The following THSD7B variants were observed in gnomAD, a reference collection of about 807,000 sequenced individuals.
THSD7B encodes thrombospondin type 1 domain containing 7B, also known as thrombospondin type-1 domain-containing protein 7B.
In THSD7B, 138 loss-of-function variants were observed where a neutral mutation model predicts 213.6. The ratio of observed to expected loss-of-function variants is 0.65; its 90% CI spans 0.56 to 0.74. The LOEUF (loss-of-function observed/expected upper bound fraction) is 0.74. Ranked by LOEUF, THSD7B falls within the 30% of genes least tolerant of loss-of-function variation. The pLI, the probability that THSD7B is intolerant of heterozygous loss-of-function variation, is 0.00. For missense variants in THSD7B, 1,931 were observed against 1,991.5 expected, an observed-to-expected ratio of 0.97 and a Z score of 0.58; for synonymous variants, 742 against 687.0, an observed-to-expected ratio of 1.08 and a Z score of -1.25.
chr2:137,664,822 G>A lies in THSD7B; in HGVS notation c.4651+1247G>A, dbSNP rs960858543. Among the ~76,000 whole-genome samples, 8 of 152,070 alleles carry A rather than the reference G, an allele frequency of 5.3e-5. No homozygotes were observed. The East Asian group carries it at 1.3e-3, about 26-fold the overall frequency. The stretch of plus-strand genomic sequence containing the variant: ...TGTGGCCATCAGACATACTTCTTTC[G>A]GAAACAAAATGCTACAAATGATCAA... On this transcript the variant is annotated intron_variant, in intron 26 of 27. Coordinates refer to ENST00000409968, the MANE Select transcript of THSD7B (RefSeq NM_001316349.2).
chr2:137,014,284 A>G (rs1436525783), intron 2 of THSD7B, among the ~76,000 whole-genome samples: 2 of 152,158 alleles, frequency 1.3e-5, no homozygotes, highest in Admixed American at 1.3e-4. Context: ...CTCTGCAACT[A>G]CTCACATGGT....
chr2:137,029,423 C>A (rs1686617941), intron 2 of THSD7B, among the ~76,000 whole-genome samples: 1 of 152,064 alleles, frequency 6.6e-6, no homozygotes, highest in Non-Finnish European at 1.5e-5. Context: ...ACATAGATCC[C>A]ACCTTTACCC....
chr2:137,507,799 A>G (rs1679871253), intron 15 of THSD7B, among the ~76,000 whole-genome samples: 1 of 135,694 alleles, frequency 7.4e-6, no homozygotes, highest in Non-Finnish European at 1.6e-5. Context: ...CCTTCCTTTC[A>G]TTCTTCCTTT....
At chr2:136,953,846 G>T (rs937130222) in intron 2 of THSD7B, among the ~76,000 whole-genome samples, 1 of 152,046 alleles carries the variant, frequency 6.6e-6, no homozygotes, top group Non-Finnish European at 1.5e-5. Context: ...CTTTCCTGTC[G>T]AGGTACTTAA....
chr2:137,451,157 G>T, intron 15 of THSD7B, 134 bp downstream of exon 15: 1 of 906,228 alleles, frequency 1.1e-6, no homozygotes, highest in Non-Finnish European at 1.5e-6. Flanking sequence ...AGGATTAAGA[G>T]GGCCAAAATT....
intron 15 of THSD7B, among the ~76,000 whole-genome samples, chr2:137,459,608 T>G (rs997904205): frequency 1.1e-4 from 17 of 152,162 alleles, no homozygotes; most frequent in Middle Eastern, 6.9e-3. Context: ...GAGGTTGCAA[T>G]TAGCTGAGAT....
chr2:137,259,588 T>G (rs1370163481), intron 10 of THSD7B, among the ~76,000 whole-genome samples: 3 of 152,200 alleles, frequency 2.0e-5, no homozygotes, highest in Non-Finnish European at 4.4e-5. Context: ...ATTAGACTTT[T>G]GCCAGTTGGG....
intron 12 of THSD7B, among the ~76,000 whole-genome samples, chr2:137,309,923 T>A (rs1683852740): frequency 6.6e-6 from 1 of 152,100 alleles, no homozygotes; most frequent in East Asian, 1.9e-4. Flanking sequence ...ACATTTGGGT[T>A]GGTTCCAAGT....
At chr2:137,405,591 A>C (rs745892192) in intron 12 of THSD7B, 22 bp from the exon 13 acceptor site, 2 of 1,572,532 alleles carry the variant, frequency 1.3e-6, no homozygotes, top group South Asian at 2.3e-5. Context: ...ATAATAACAA[A>C]AGAATTCATG....
At chr2:137,379,116 G>A (rs1332648525) in intron 12 of THSD7B, among the ~76,000 whole-genome samples, 1 of 152,142 alleles carries the variant, frequency 6.6e-6, no homozygotes, top group Non-Finnish European at 1.5e-5. Context: ...TTTCAACTCT[G>A]CATTTTCTGG....
intron 10 of THSD7B, among the ~76,000 whole-genome samples, chr2:137,246,265 G>A (rs894233439): frequency 6.6e-6 from 1 of 152,194 alleles, no homozygotes; most frequent in East Asian, 1.9e-4. Context: ...GGTCATCAAA[G>A]TTGAGAAGCG....
intron 4 of THSD7B, among the ~76,000 whole-genome samples, chr2:137,096,343 A>G (rs1045180031): frequency 2.0e-5 from 3 of 152,184 alleles, no homozygotes; most frequent in Non-Finnish European, 4.4e-5. Context: ...TACTGACCCA[A>G]CAGGTTCTGG....
intron 7 of THSD7B, among the ~76,000 whole-genome samples, chr2:137,171,219 G>A (rs1680244359): frequency 6.6e-6 from 1 of 152,002 alleles, no homozygotes; most frequent in South Asian, 2.1e-4. Context: ...AAAAAACAGA[G>A]AACAAATCTC....
At chr2:137,125,988 G>A (rs190357004) in intron 5 of THSD7B, among the ~76,000 whole-genome samples, 51 of 152,294 alleles carry the variant, frequency 3.3e-4, no homozygotes, top group South Asian at 6.2e-4. Context: ...GGCCTCAACA[G>A]TGGGCTTAAA....
chr2:137,470,130 G>A (rs1055473065), intron 15 of THSD7B, among the ~76,000 whole-genome samples: 2 of 152,146 alleles, frequency 1.3e-5, no homozygotes, highest in South Asian at 2.1e-4. Flanking sequence ...TGGCATAGAA[G>A]CAGAAGAGTT....
chr2:136,933,362 G>A (rs187941513), intron 2 of THSD7B, among the ~76,000 whole-genome samples: 11 of 152,170 alleles, frequency 7.2e-5, no homozygotes, highest in Non-Finnish European at 1.2e-4. Flanking sequence ...ATCACCTGAG[G>A]TCAGGAGTTC....
chr2:136,904,713 G>A (rs1684126796), intron 2 of THSD7B, among the ~76,000 whole-genome samples: 1 of 152,050 alleles, frequency 6.6e-6, no homozygotes, highest in South Asian at 2.1e-4. Context: ...GAGATCCCAA[G>A]GAACCTTCAA....
intron 2 of THSD7B, among the ~76,000 whole-genome samples, chr2:137,000,889 C>T (rs1685987318): frequency 6.6e-6 from 1 of 151,982 alleles, no homozygotes; most frequent in South Asian, 2.1e-4. Context: ...AAAAGGGTGC[C>T]TCTCATAGTT....
At chr2:137,185,410 A>G (rs1319858910) in intron 7 of THSD7B, among the ~76,000 whole-genome samples, 1 of 152,018 alleles carries the variant, frequency 6.6e-6, no homozygotes, top group Non-Finnish European at 1.5e-5. Context: ...GCCCCCTTTT[A>G]TACTCTCCAG....
Sources: gnomAD v4.1 joint callset for allele counts (sites outside exome capture counted in the v4.1 genomes callset) on GRCh38, gnomAD v4.1.1 for gene constraint, MANE v1.5 for transcripts, NCBI Gene and HGNC (gene_info 2026-07-23, HGNC 2026-07-21) for gene names.